Variants in ZNF385C observed in about 807,000 individuals in gnomAD.
ZNF385C encodes zinc finger protein 385C.
ZNF385C carries 28 observed loss-of-function variants against 35.4 expected under a neutral mutation model. That is an observed-to-expected ratio of 0.79 (90% confidence interval 0.59 to 1.08). The LOEUF (loss-of-function observed/expected upper bound fraction) is 1.08. Among genes scored for constraint, ZNF385C ranks in the 50% least tolerant of loss-of-function variants. The pLI, the probability that ZNF385C is intolerant of heterozygous loss-of-function variation, is 0.00. For synonymous variants in ZNF385C, 248 were observed against 248.2 expected (o/e 1.00, Z 0.01); for missense variants, 605 against 595.6 (o/e 1.02, Z -0.16).
At chr17:42,041,714 G>T (rs1053873939) in intron 2 of ZNF385C, among the ~76,000 whole-genome samples, 1 of 152,052 alleles carries the variant, frequency 6.6e-6, no homozygotes, top group Non-Finnish European at 1.5e-5. Context: ...GTCACCCTGG[G>T]TCCCAGCTGT....
intron 2 of ZNF385C, among the ~76,000 whole-genome samples, chr17:42,058,010 C>A (rs966178390): frequency 1.3e-5 from 2 of 151,900 alleles, no homozygotes; most frequent in African/African-American, 4.8e-5. Context: ...CAGGGTAAGT[C>A]GGGGCAGTGC....
intron 1 of ZNF385C, among the ~76,000 whole-genome samples, chr17:42,089,022 G>C (rs1404076191): frequency 1.3e-5 from 2 of 152,018 alleles, no homozygotes; most frequent in Non-Finnish European, 2.9e-5. Flanking sequence ...ACCTGGATTG[G>C]CAGAACAGCC....
chr17:42,066,414 C>G (rs1450652021), intron 1 of ZNF385C, among the ~76,000 whole-genome samples: 1 of 152,160 alleles, frequency 6.6e-6, no homozygotes, highest in Non-Finnish European at 1.5e-5. Flanking sequence ...TGAGTGAAGT[C>G]TGTCACCCTG....
intron 2 of ZNF385C, chr17:42,043,205 C>T (rs908140132): frequency 1.6e-6 from 2 of 1,232,246 alleles, no homozygotes; most frequent in Admixed American, 4.2e-5. Flanking sequence ...TCGGCTTTGC[C>T]ATGCTTGTTC....
At position 42,025,940 on chromosome 17, in the gene ZNF385C, C is replaced by T. The variant is rs1208814890; in HGVS notation, c.*957G>A. The T allele has an allele frequency of 3.9e-5, 6 of 152,198 alleles. No individual in the cohort carries two copies. Among genetic ancestry groups the T allele is most frequent in the Non-Finnish European group, 8.8e-5 (6 of 68,074 alleles). 9.4% of individuals were successfully genotyped at this position (152,198 alleles called of 1,614,324 possible). On this transcript the variant is annotated 3_prime_UTR_variant, in exon 9 of 9. Transcript: ENST00000692273. ...GGGAAGCTGTAGGGGAAAGCTCTTCCTTTGGGAGCTCTGCGGGGGGTTCGG... is the reference window on the plus strand; with the variant it reads ...GGGAAGCTGTAGGGGAAAGCTCTTCTTTTGGGAGCTCTGCGGGGGGTTCGG...
rs782057339 is a variant in ZNF385C at position 42,026,889 on chromosome 17, C to CA, written c.*7dup. The CA allele has an allele frequency of 7.0e-6, 11 of 1,579,378 alleles. No individual in the cohort carries two copies. The East Asian group carries it at 2.6e-4, about 37-fold the overall frequency. ...ATTGGGAAATCAGCTCTGGCCTCCC[C>CA]ATGAGGGCTAATAAGGGGCAAGGAC... is the stretch of plus-strand genomic sequence containing the variant. On this transcript the variant is annotated 3_prime_UTR_variant, in exon 9 of 9. Coordinates refer to ENST00000692273, the MANE Select transcript of ZNF385C (RefSeq NM_001392013.1).
At chr17:42,072,998 C>T (rs1850603048) in intron 1 of ZNF385C, among the ~76,000 whole-genome samples, 1 of 152,188 alleles carries the variant, frequency 6.6e-6, no homozygotes, top group Non-Finnish European at 1.5e-5. Flanking sequence ...GCAAGCAGGC[C>T]CCTCTTTTGC....
At position 42,027,030 on chromosome 17, in the gene ZNF385C, G is replaced by C. The variant is rs1209058363; in HGVS notation, c.1379C>G (p.Pro460Arg). Residue 460 changes from proline (P) to arginine (R), a missense_variant, in exon 9 of 9, where the codon CCC becomes CGC. Physicochemically the swap from Pro to Arg is moderately radical, Grantham distance 103. Transcript: ENST00000692273. ...TGTAGGGGCAGGGCGGAGGGCCAGG[G>C]GCCCTGGCAGAGCACAGATGGCAGT... ...AATAICALPGPLALRPAPTAA... is the reference protein window; with the variant it reads ...AATAICALPGRLALRPAPTAA... 22 of 1,607,996 alleles carry C rather than the reference G, an allele frequency of 1.4e-5. No homozygotes were observed. The highest frequency in any genetic ancestry group is 1.9e-5 in the Non-Finnish European group (22 of 1,177,200).
chr17:42,058,391 C>T (rs1415533926), intron 2 of ZNF385C, among the ~76,000 whole-genome samples: 2 of 152,216 alleles, frequency 1.3e-5, no homozygotes, highest in South Asian at 4.1e-4. Flanking sequence ...CATGGCGCCC[C>T]GGACACTGAG....
rs1488952136 is a variant in ZNF385C, at chr17:42,026,531, C to T, written c.*366G>A. On this transcript the variant is annotated 3_prime_UTR_variant, in exon 9 of 9. Transcript: ENST00000692273. Reference sequence around the variant, plus strand: ...AGCCTAGGAATAGAGGTCAGAGAGTCGTCCCCTGGCTAGGAGAGGATGGCT... The same window carrying T: ...AGCCTAGGAATAGAGGTCAGAGAGTTGTCCCCTGGCTAGGAGAGGATGGCT... The T allele has an allele frequency of 1.3e-5, 4 of 299,972 alleles. No homozygotes were observed. Among genetic ancestry groups the T allele is most frequent in the African/African-American group, 2.3e-5 (1 of 44,354 alleles). The allele number at this position is 299,972 out of a possible 1,614,324, so 18.6% of individuals were successfully genotyped here. A position where few individuals can be genotyped will look rare whatever the true frequency, so the allele number is the denominator to read the frequency against.
At chr17:42,032,166 T>C (rs2052745832) in intron 4 of ZNF385C, among the ~76,000 whole-genome samples, 2 of 152,178 alleles carry the variant, frequency 1.3e-5, no homozygotes, top group Non-Finnish European at 2.9e-5. Context: ...GTTCAAGCGA[T>C]TCTTCTGCCT....
chr17:42,047,916 G>A (rs1273838883), intron 2 of ZNF385C, among the ~76,000 whole-genome samples: 1 of 152,102 alleles, frequency 6.6e-6, no homozygotes, highest in Non-Finnish European at 1.5e-5. Context: ...GCCTCCCAAA[G>A]TGCTGGGATT....
In ZNF385C at chr17:42,026,829, A is replaced by AG; in HGVS notation, c.*67dup. 7.0e-7 allele frequency: 1 copy of AG among 1,435,910 alleles called. No homozygotes were observed. Among genetic ancestry groups the AG allele is most frequent in the Non-Finnish European group, 9.6e-7 (1 of 1,041,160 alleles). 88.9% of individuals were successfully genotyped at this position (1,435,910 alleles called of 1,614,324 possible). A position where few individuals can be genotyped will look rare whatever the true frequency, so the allele number is the denominator to read the frequency against. On this transcript the variant is annotated 3_prime_UTR_variant, in exon 9 of 9. Coordinates refer to ENST00000692273, the MANE Select transcript of ZNF385C (RefSeq NM_001392013.1). ...AGTCCCTGTGGCATGTAGGAAACCA[A>AG]GGTGTCTCAGGACAGGAGGAGACAA...
chr17:42,069,139 G>A (rs2053588486), intron 1 of ZNF385C, among the ~76,000 whole-genome samples: 1 of 152,214 alleles, frequency 6.6e-6, no homozygotes, highest in African/African-American at 2.4e-5. Context: ...CTGCTGCAGA[G>A]AGGGTAGGGG....
chr17:42,092,589 C>A (rs1255024991), intron 1 of ZNF385C, among the ~76,000 whole-genome samples: 1 of 152,178 alleles, frequency 6.6e-6, no homozygotes, highest in Non-Finnish European at 1.5e-5. Flanking sequence ...CTGCTAAAGT[C>A]TCACTGGAGG....
intron 1 of ZNF385C, among the ~76,000 whole-genome samples, chr17:42,075,055 CCTGGTAACA>C (rs2143911031): frequency 6.6e-6 from 1 of 152,168 alleles, no homozygotes; most frequent in East Asian, 1.9e-4. Flanking sequence ...AGATCTGCTG[CCTGGTAACA>C]CAGAAAACGT....
At chr17:42,051,928 G>C (rs141710817) in intron 2 of ZNF385C, among the ~76,000 whole-genome samples, 6 of 152,154 alleles carry the variant, frequency 3.9e-5, no homozygotes, top group African/African-American at 1.4e-4. Context: ...GCACACACAC[G>C]TGTGGCCGCC....
intron 2 of ZNF385C, among the ~76,000 whole-genome samples, chr17:42,048,112 A>G (rs1454534854): frequency 1.3e-5 from 2 of 151,854 alleles, no homozygotes; most frequent in Non-Finnish European, 2.9e-5. Flanking sequence ...CCAACTTCAA[A>G]TTGTCTAACA....
intron 1 of ZNF385C, among the ~76,000 whole-genome samples, chr17:42,075,822 G>A (rs2053679101): frequency 6.6e-6 from 1 of 151,972 alleles, no homozygotes; most frequent in African/African-American, 2.4e-5. Context: ...TAGGCTTTTG[G>A]TATCCTCCAT....
Sources: allele counts gnomAD v4.1 joint callset (sites outside exome capture counted in the v4.1 genomes callset), GRCh38; gene constraint gnomAD v4.1.1; transcripts MANE v1.5; gene names NCBI Gene and HGNC (gene_info 2026-07-23, HGNC 2026-07-21).